COQ8A: variants seen among roughly 807,000 people sequenced by gnomAD.
COQ8A encodes coenzyme Q8A.
Under a neutral mutation model 65.0 loss-of-function variants are expected in COQ8A, and 51 were observed. That is an observed-to-expected ratio of 0.78 (90% CI 0.63 to 0.99). The LOEUF (loss-of-function observed/expected upper bound fraction) is 0.99, where lower values mean the gene tolerates loss of function less well. Among genes scored for constraint, COQ8A ranks in the 50% least tolerant of loss-of-function variants. COQ8A has a pLI of 0.00. For synonymous variants in COQ8A, 371 were observed against 353.2 expected (o/e 1.05, Z -0.57); for missense variants, 940 against 875.0 (o/e 1.07, Z -0.94).
chr1:226,982,266 G>C (rs1375445209), intron 6 of COQ8A, 117 bp downstream of exon 6: 11 of 1,429,376 alleles, frequency 7.7e-6, no homozygotes, highest in Non-Finnish European at 8.5e-6. Context: ...GAGCAGGCTG[G>C]GGAGAGATCT....
At chr1:226,967,401 C>T (rs755703463) in intron 4 of COQ8A, among the ~76,000 whole-genome samples, 5 of 152,170 alleles carry the variant, frequency 3.3e-5, no homozygotes, top group South Asian at 2.1e-4. Context: ...CTGAGTTTGA[C>T]GTGTTTCAGG....
chr1:226,960,852 G>A (rs1230884277), intron 1 of COQ8A, among the ~76,000 whole-genome samples: 1 of 152,124 alleles, frequency 6.6e-6, no homozygotes, highest in Non-Finnish European at 1.5e-5. Flanking sequence ...ACTGGGCAGA[G>A]CAATGGTGGC....
chr1:226,986,864 A>G lies in COQ8A; in HGVS notation c.*127A>G. 1 of 1,182,476 alleles carries G rather than the reference A, an allele frequency of 8.5e-7. No individual in the cohort carries two copies. The highest frequency in any genetic ancestry group is 1.2e-6 in the Non-Finnish European group (1 of 836,598). The allele number at this position is 1,182,476 out of a possible 1,614,324, so 73.2% of individuals were successfully genotyped here. A position where few individuals can be genotyped will look rare whatever the true frequency, so the allele number is the denominator to read the frequency against. On this transcript the variant is annotated 3_prime_UTR_variant, in exon 15 of 15. Transcript: ENST00000366777. ...CCCAATAAGGGGGGTGGCTGCCTGG[A>G]GCCCCGTAGCCAGCGCTTTCCACGG...
chr1:226,953,110 G>A (rs1308769969), intron 1 of COQ8A, among the ~76,000 whole-genome samples: 3 of 152,150 alleles, frequency 2.0e-5, no homozygotes, highest in African/African-American at 7.2e-5. Flanking sequence ...GCTCACTGCA[G>A]CTTCCGCCTC....
At chr1:226,959,044 A>G (rs930918100) in intron 1 of COQ8A, among the ~76,000 whole-genome samples, 2 of 152,180 alleles carry the variant, frequency 1.3e-5, no homozygotes, top group African/African-American at 4.8e-5. Flanking sequence ...GGTTCTTGGT[A>G]CACCCCTGGA....
At position 226,985,278 on chromosome 1, in the gene COQ8A, G is replaced by C; in HGVS notation, c.1597G>C (p.Asp533His). The change falls in exon 14 of 15, where the codon GAC becomes CAC. Residue 533 changes from aspartate to histidine, a missense_variant. Transcript: ENST00000366777. ...IQIIRAAADR[D>H]RETVRAKSIE... The stretch of plus-strand genomic sequence containing the variant: ...GATCATCAGGGCTGCTGCCGACAGG[G>C]ACAGGGAGACTGTGCGGGCGAAATC... 1 of 1,613,830 alleles carries C rather than the reference G, an allele frequency of 6.2e-7. No individual in the cohort carries two copies. Among genetic ancestry groups the C allele is most frequent in the South Asian group, 1.1e-5 (1 of 91,088 alleles).
intron 13 of COQ8A, 56 bp downstream of exon 13, chr1:226,984,997 T>A (rs1356291113): frequency 5.6e-6 from 9 of 1,596,086 alleles, no homozygotes; most frequent in Non-Finnish European, 6.9e-6. Context: ...TGGGACAGGA[T>A]GCTGGGGGAC....
rs1268929352 is a variant in COQ8A at position 226,946,113 on chromosome 1, A to G, written c.-10+5714A>G. Among the ~76,000 whole-genome samples the G allele has an allele frequency of 6.6e-6, 1 of 152,154 alleles. No homozygotes were observed. Among genetic ancestry groups the G allele is most frequent in the Non-Finnish European group, 1.5e-5 (1 of 68,026 alleles). On this transcript the variant is annotated intron_variant, in intron 1 of 14. Transcript: ENST00000366777. This position sits in a 1 kb window ranked among gnomAD's most constrained non-coding sequence, Gnocchi z 5.3. ...TGCTAATAAACTCGTGTGTATGAGG[A>G]CAGTGCCAGACCCCGTTGGGGGTAC... is the stretch of plus-strand genomic sequence containing the variant.
chr1:226,959,515 G>A (rs1020181731), intron 1 of COQ8A, among the ~76,000 whole-genome samples: 2 of 152,206 alleles, frequency 1.3e-5, no homozygotes, highest in South Asian at 2.1e-4. Flanking sequence ...CAGTAGGTCA[G>A]CGATATTTGT....
chr1:226,953,620 G>A (rs865889790), intron 1 of COQ8A, among the ~76,000 whole-genome samples: 2 of 152,198 alleles, frequency 1.3e-5, no homozygotes, highest in African/African-American at 2.4e-5. Context: ...CAGCAGGCCT[G>A]TGCTGGGGCT....
chr1:226,960,458 A>ACTTGGTGGTGGTACTTGGTG (rs1558187534), intron 1 of COQ8A, among the ~76,000 whole-genome samples: 9 of 11,662 alleles, frequency 7.7e-4, no homozygotes, highest in Non-Finnish European at 1.6e-3. Context: ...TGGTGGTGGC[A>ACTTGGTGGTGGTACTTGGTG]GTACTTGGTG....
intron 4 of COQ8A, among the ~76,000 whole-genome samples, chr1:226,970,421 A>G (rs942687601): frequency 6.6e-5 from 10 of 152,226 alleles, no homozygotes; most frequent in African/African-American, 2.4e-4. Flanking sequence ...CCTTTACAAC[A>G]TGTTACTGTA....
At position 226,987,110 on chromosome 1, in the gene COQ8A, T is replaced by TA. The variant is rs1660165476; in HGVS notation, c.*374dup. On this transcript the variant is annotated 3_prime_UTR_variant, in exon 15 of 15. Coordinates refer to ENST00000366777, the MANE Select transcript of COQ8A (RefSeq NM_020247.5). The stretch of plus-strand genomic sequence containing the variant: ...TGCAAAACCCAGAAACATGAACAGA[T>TA]ACGATTGTGGGATTTTATCATCTGT... 6.8e-6 allele frequency: 2 copies of TA among 295,136 alleles called. No homozygotes were observed. The highest frequency in any genetic ancestry group is 2.3e-5 in the African/African-American group (1 of 43,174). 18.3% of individuals were successfully genotyped at this position (295,136 alleles called of 1,614,324 possible).
intron 7 of COQ8A, 36 bp from the exon 8 acceptor site, chr1:226,982,854 CAGGG>C: frequency 6.2e-7 from 1 of 1,612,608 alleles, no homozygotes; most frequent in Non-Finnish European, 8.5e-7. Context: ...GTGGCCCAGG[CAGGG>C]CATGCTCAGA....
intron 1 of COQ8A, among the ~76,000 whole-genome samples, chr1:226,955,442 C>G (rs1043870384): frequency 6.7e-6 from 1 of 148,992 alleles, no homozygotes; most frequent in Non-Finnish European, 1.5e-5. Context: ...GGTTCACACT[C>G]TCCTTGGCTG....
chr1:226,956,437 C>T (rs1228558117), intron 1 of COQ8A, among the ~76,000 whole-genome samples: 19 of 137,582 alleles, frequency 1.4e-4, no homozygotes, highest in Admixed American at 1.3e-3. Context: ...CACACTCTCC[C>T]TGGCTGCCAC....
intron 5 of COQ8A, among the ~76,000 whole-genome samples, chr1:226,981,325 C>T (rs1572076198): frequency 1.3e-5 from 2 of 152,216 alleles, no homozygotes; most frequent in East Asian, 3.9e-4. Flanking sequence ...ACTTAGCCGG[C>T]CTTCTGCTGC....
intron 1 of COQ8A, among the ~76,000 whole-genome samples, chr1:226,948,143 A>C (rs1314900002): frequency 6.6e-6 from 1 of 152,166 alleles, no homozygotes; most frequent in Non-Finnish European, 1.5e-5. Flanking sequence ...TAGAAGTCTG[A>C]AATTGGTCTC....
In COQ8A at chr1:226,987,235, A is replaced by G. The variant is rs901278613; in HGVS notation, c.*498A>G. ...GAGCTGGGAGAGGTGCTGAGCTAAC[A>G]GTGCCAACAAGTGCTCCTTAAGCCT... On this transcript the variant is annotated 3_prime_UTR_variant, in exon 15 of 15. Coordinates refer to ENST00000366777, the MANE Select transcript of COQ8A (RefSeq NM_020247.5). 5.6e-6 allele frequency: 1 copy of G among 177,382 alleles called. No individual in the cohort carries two copies. The highest frequency in any genetic ancestry group is 1.2e-5 in the Non-Finnish European group (1 of 82,862). 11.0% of individuals were successfully genotyped at this position (177,382 alleles called of 1,614,324 possible).
Sources: allele counts gnomAD v4.1 joint callset (sites outside exome capture counted in the v4.1 genomes callset), GRCh38; gene constraint gnomAD v4.1.1; non-coding constraint Gnocchi (gnomAD v3.1); transcripts MANE v1.5; gene names NCBI Gene and HGNC (gene_info 2026-07-23, HGNC 2026-07-21).